Variants in PDE4D observed in about 807,000 individuals in gnomAD.
The protein encoded by PDE4D is 3',5'-cyclic-AMP phosphodiesterase 4D.
In PDE4D, 24 loss-of-function variants were observed where a neutral mutation model predicts 87.4. The observed-to-expected ratio is 0.27, with a 90% CI of 0.20 to 0.39. PDE4D has a LOEUF of 0.39. Ranked by LOEUF, PDE4D falls within the 10% of genes least tolerant of loss-of-function variation. The pLI is 1.00. For missense variants in PDE4D, 714 were observed against 1,041.0 expected (o/e 0.69, Z 4.32); for synonymous variants, 384 against 383.2 (o/e 1.00, Z -0.02).
chr5:59,278,650 CTTAA>C (rs1359234071), intron 1 of PDE4D, among the ~76,000 whole-genome samples: 2 of 151,946 alleles, frequency 1.3e-5, no homozygotes, highest in African/African-American at 4.8e-5. Flanking sequence ...TGATATTTTT[CTTAA>C]TTGACTCACT....
intron 1 of PDE4D, among the ~76,000 whole-genome samples, chr5:59,234,391 T>C (rs978225423): frequency 5.3e-5 from 8 of 152,182 alleles, no homozygotes; most frequent in Non-Finnish European, 1.2e-4. Flanking sequence ...GAGTCCAAAA[T>C]GGCACACAGA....
At chr5:60,266,608 T>C (rs529216653) in intron 1 of PDE4D, among the ~76,000 whole-genome samples, 1 of 152,336 alleles carries the variant, frequency 6.6e-6, no homozygotes, top group Admixed American at 6.5e-5. Context: ...TCCAGGCTTC[T>C]GTTTCCTGAG....
rs532686259 is a variant in PDE4D, at chr5:59,752,457, C to T, written c.455+140711G>A. ...CAGTGAGTAGCAGAGTTGGACTATG[C>T]AATAGATTCCTGAACCTCTTTGTAT... On this transcript the variant is annotated intron_variant, in intron 1 of 14. Transcript: ENST00000340635. Among the ~76,000 whole-genome samples the T allele has an allele frequency of 3.5e-4, 53 of 152,234 alleles. No homozygotes were observed. In the South Asian group the frequency reaches 0.011, roughly 32 times the overall value.
Position 59,280,537 on chromosome 5 carries a change from C to T in PDE4D, c.456-64569G>A, listed in dbSNP as rs941038660. On this transcript the variant is annotated intron_variant, in intron 1 of 14. Coordinates refer to ENST00000340635, the MANE Select transcript of PDE4D (RefSeq NM_001104631.2). ...TTGCATTCTGCCTCTCCTCTTGTCCCTCTTTCACATTTCTTGTTCTTCTTT... is the reference window on the plus strand; with the variant it reads ...TTGCATTCTGCCTCTCCTCTTGTCCTTCTTTCACATTTCTTGTTCTTCTTT... Among the ~76,000 whole-genome samples the T allele has an allele frequency of 3.9e-5, 6 of 152,084 alleles. No individual in the cohort carries two copies. In the South Asian group the frequency reaches 1.0e-3, roughly 26 times the overall value.
chr5:59,030,225 A>G (rs1366717175), intron 6 of PDE4D, among the ~76,000 whole-genome samples: 2 of 152,068 alleles, frequency 1.3e-5, no homozygotes, highest in African/African-American at 4.8e-5. Context: ...CAAGCAACCA[A>G]ATAATAGAGT....
At chr5:60,403,996 C>G (rs1396606690) in intron 1 of PDE4D, among the ~76,000 whole-genome samples, 3 of 152,188 alleles carry the variant, frequency 2.0e-5, no homozygotes, top group Non-Finnish European at 2.9e-5. Context: ...ATATAAATGA[C>G]AAGCATTTTA....
chr5:60,266,958 C>T (rs536554599), intron 1 of PDE4D, among the ~76,000 whole-genome samples: 1 of 152,312 alleles, frequency 6.6e-6, no homozygotes, highest in South Asian at 2.1e-4. Flanking sequence ...TTATCCCAAA[C>T]CCATGTGTTT....
At chr5:59,746,090 T>A (rs539015041) in intron 1 of PDE4D, among the ~76,000 whole-genome samples, 6 of 152,180 alleles carry the variant, frequency 3.9e-5, no homozygotes, top group Non-Finnish European at 8.8e-5. Flanking sequence ...ATGCAATATA[T>A]ATATTTTTTC....
intron 1 of PDE4D, among the ~76,000 whole-genome samples, chr5:59,322,199 GGAA>G (rs1296992384): frequency 6.6e-6 from 1 of 152,042 alleles, no homozygotes; most frequent in African/African-American, 2.4e-5. Flanking sequence ...CTGGATTTTT[GGAA>G]GAAGTCCAAT....
intron 1 of PDE4D, among the ~76,000 whole-genome samples, chr5:59,793,598 G>A (rs1364445547): frequency 1.3e-5 from 2 of 152,150 alleles, no homozygotes; most frequent in African/African-American, 4.8e-5. Context: ...CCTTTTAAAG[G>A]ATGAAGATTC....
intron 2 of PDE4D, among the ~76,000 whole-genome samples, chr5:59,996,750 T>C (rs1037116973): frequency 1.3e-5 from 2 of 152,218 alleles, no homozygotes; most frequent in Admixed American, 6.5e-5. Flanking sequence ...AAGGGCATTG[T>C]ATCGACTTAA....
chr5:60,238,669 A>C (rs1037018941), intron 1 of PDE4D, among the ~76,000 whole-genome samples: 1 of 151,940 alleles, frequency 6.6e-6, no homozygotes, highest in African/African-American at 2.4e-5. Context: ...TTGTTTGTTC[A>C]TATCTTTCAC....
chr5:59,733,956 C>A (rs1757733996), intron 1 of PDE4D, among the ~76,000 whole-genome samples: 1 of 152,034 alleles, frequency 6.6e-6, no homozygotes, highest in South Asian at 2.1e-4. Flanking sequence ...ATTAAATCTG[C>A]ATTAATCTAA....
chr5:60,096,110 T>C (rs1198334276), intron 2 of PDE4D, among the ~76,000 whole-genome samples: 2 of 152,156 alleles, frequency 1.3e-5, no homozygotes, highest in Admixed American at 1.3e-4. Flanking sequence ...AGATCCCATT[T>C]GTCAATTTTG....
chr5:60,409,250 T>C (rs999652584), intron 1 of PDE4D, among the ~76,000 whole-genome samples: 3 of 151,944 alleles, frequency 2.0e-5, no homozygotes, highest in Admixed American at 2.0e-4. Context: ...AGAAGTCAGT[T>C]AAGAAAAGAT....
At chr5:60,103,750 A>G (rs1303547917) in intron 2 of PDE4D, among the ~76,000 whole-genome samples, 3 of 152,208 alleles carry the variant, frequency 2.0e-5, no homozygotes, top group Non-Finnish European at 4.4e-5. Flanking sequence ...CACTCTCACT[A>G]AATTAAAAGA....
At chr5:59,015,010 C>T (rs886681947) in intron 6 of PDE4D, among the ~76,000 whole-genome samples, 25 of 152,098 alleles carry the variant, frequency 1.6e-4, no homozygotes, top group African/African-American at 4.1e-4. Context: ...CTGACAAAAA[C>T]AAGAAATGGG....
At chr5:59,138,380 T>G (rs1261630140) in intron 5 of PDE4D, among the ~76,000 whole-genome samples, 1 of 152,122 alleles carries the variant, frequency 6.6e-6, no homozygotes, top group Non-Finnish European at 1.5e-5. Context: ...CTCTGCCTCC[T>G]GGGCTCAAGT....
chr5:59,808,684 C>G (rs1301704870), intron 1 of PDE4D, among the ~76,000 whole-genome samples: 3 of 152,102 alleles, frequency 2.0e-5, no homozygotes, highest in Non-Finnish European at 2.9e-5. Flanking sequence ...AACCCTTTTC[C>G]CCAGATACCG....
Sources: gnomAD v4.1 joint callset for allele counts (sites outside exome capture counted in the v4.1 genomes callset) on GRCh38, gnomAD v4.1.1 for gene constraint, MANE v1.5 for transcripts, NCBI Gene and HGNC (gene_info 2026-07-23, HGNC 2026-07-21) for gene names.